Variants in MTMR12 observed in about 807,000 individuals in gnomAD.
The protein encoded by MTMR12 is myotubularin-related protein 12.
In MTMR12, 33 loss-of-function variants were observed where a neutral mutation model predicts 96.7. The observed-to-expected ratio is 0.34, with a 90% confidence interval of 0.26 to 0.46. MTMR12 has a LOEUF of 0.46. MTMR12 is among the 20% of genes least tolerant of loss of function. The pLI, the probability that MTMR12 is intolerant of heterozygous loss-of-function variation, is 1.00. For missense variants in MTMR12, 721 were observed against 896.1 expected (o/e 0.80, Z 2.49); for synonymous variants, 298 against 327.2 (o/e 0.91, Z 0.96).
At chr5:32,287,370 A>T (rs1050074316) in intron 1 of MTMR12, among the ~76,000 whole-genome samples, 2 of 152,190 alleles carry the variant, frequency 1.3e-5, no homozygotes, top group African/African-American at 4.8e-5. Context: ...CTAGCCTCGC[A>T]GCCTACATCT....
chr5:32,277,701 A>AAAAAAAAAAAAG (rs368469301), intron 1 of MTMR12, among the ~76,000 whole-genome samples: 30 of 151,852 alleles, frequency 2.0e-4, no homozygotes, highest in African/African-American at 7.3e-4. Flanking sequence ...TGTCTCAAAA[A>AAAAAAAAAAAAG]AAAAAGAAAA....
At chr5:32,289,096 G>GCACTCAACTGTCAAAGACAAGGTGTTC (rs1396287444) in intron 1 of MTMR12, among the ~76,000 whole-genome samples, 1 of 152,204 alleles carries the variant, frequency 6.6e-6, no homozygotes, top group Non-Finnish European at 1.5e-5. Context: ...CCAAGTGGCG[G>GCACTCAACTGTCAAAGACAAGGTGTTC]CACTCAACTG....
intron 1 of MTMR12, among the ~76,000 whole-genome samples, chr5:32,281,262 A>G (rs1390759946): frequency 6.7e-6 from 1 of 150,254 alleles, no homozygotes; most frequent in African/African-American, 2.5e-5. Flanking sequence ...AAAAAAAAAA[A>G]AACAAAAAAA....
chr5:32,239,787 G>C (rs1047075928), intron 12 of MTMR12, among the ~76,000 whole-genome samples: 4 of 152,034 alleles, frequency 2.6e-5, no homozygotes, highest in African/African-American at 9.7e-5. Flanking sequence ...CTGTTTGAGG[G>C]GCACAGAGGT....
chr5:32,266,383 G>A (rs184121753), intron 6 of MTMR12, among the ~76,000 whole-genome samples: 12 of 152,258 alleles, frequency 7.9e-5, no homozygotes, highest in Non-Finnish European at 1.6e-4. Context: ...AAAGCCTTGT[G>A]TGCTTTTTAA....
chr5:32,298,880 G>A (rs1174716313), intron 1 of MTMR12, among the ~76,000 whole-genome samples: 1 of 150,888 alleles, frequency 6.6e-6, no homozygotes, highest in Non-Finnish European at 1.5e-5. Flanking sequence ...ACGAACCCGG[G>A]AGGCGGAGCT....
chr5:32,269,143 C>T (rs1749728102), intron 5 of MTMR12, among the ~76,000 whole-genome samples: 1 of 152,104 alleles, frequency 6.6e-6, no homozygotes, highest in East Asian at 1.9e-4. Context: ...TCTCCTGCCT[C>T]AGCCTCCAGA....
intron 12 of MTMR12, among the ~76,000 whole-genome samples, chr5:32,241,109 G>A (rs545273847): frequency 2.6e-5 from 4 of 152,274 alleles, no homozygotes; most frequent in Middle Eastern, 6.8e-3. Flanking sequence ...CTGGCCCTGA[G>A]TCCTTCCGTT....
At chr5:32,311,241 C>T (rs554851027) in intron 1 of MTMR12, among the ~76,000 whole-genome samples, 2 of 152,266 alleles carry the variant, frequency 1.3e-5, no homozygotes, top group South Asian at 4.1e-4. Flanking sequence ...TAAAAAGACA[C>T]AAAGAGAAAT....
intron 1 of MTMR12, among the ~76,000 whole-genome samples, chr5:32,285,493 T>G (rs1469566877): frequency 6.6e-6 from 1 of 152,082 alleles, no homozygotes; most frequent in East Asian, 1.9e-4. Context: ...CAACATTTAC[T>G]CCAATGTTAT....
chr5:32,252,169 G>A (rs1372198330), intron 8 of MTMR12, among the ~76,000 whole-genome samples: 2 of 152,122 alleles, frequency 1.3e-5, no homozygotes, highest in African/African-American at 2.4e-5. Context: ...ATAGCGGCAA[G>A]GACATGAATA....
intron 11 of MTMR12, among the ~76,000 whole-genome samples, chr5:32,242,749 A>G (rs1310850531): frequency 1.3e-5 from 2 of 151,726 alleles, no homozygotes; most frequent in Non-Finnish European, 2.9e-5. Flanking sequence ...CACCCCACAC[A>G]AAGAAGGGTT....
In MTMR12 at chr5:32,228,585, A is replaced by G. The variant is rs1195161612; in HGVS notation, c.*1193T>C. ...TATATATATCATATATATATCATAT[A>G]TATGTGATATATATATATATATCAT... On this transcript the variant is annotated 3_prime_UTR_variant, in exon 16 of 16. Coordinates refer to ENST00000382142, the MANE Select transcript of MTMR12 (RefSeq NM_001040446.3). 104 of 119,306 alleles carry G rather than the reference A, an allele frequency of 8.7e-4. No individual in the cohort carries two copies. Among genetic ancestry groups the G allele is most frequent in the African/African-American group, 3.2e-3 (95 of 29,508 alleles). The allele number at this position is 119,306 out of a possible 1,614,324, so 7.4% of individuals were successfully genotyped here. A position where few individuals can be genotyped will look rare whatever the true frequency, so the allele number is the denominator to read the frequency against.
intron 12 of MTMR12, among the ~76,000 whole-genome samples, chr5:32,240,470 C>T (rs542058696): frequency 2.0e-5 from 3 of 152,124 alleles, no homozygotes; most frequent in South Asian, 2.1e-4. Flanking sequence ...TTCATCCTGA[C>T]CCCTATAATC....
intron 1 of MTMR12, among the ~76,000 whole-genome samples, chr5:32,311,631 A>G (rs1163459293): frequency 6.6e-6 from 1 of 152,204 alleles, no homozygotes; most frequent in Non-Finnish European, 1.5e-5. Context: ...GCTTCTCATT[A>G]GGCATTTGGA....
chr5:32,230,225 A>C lies in MTMR12; in HGVS notation c.1797T>G (p.Ile599Met). 8.7e-6 allele frequency: 14 copies of C among 1,614,232 alleles called. No individual in the cohort carries two copies. The highest frequency in any genetic ancestry group is 1.2e-5 in the Non-Finnish European group (14 of 1,180,036). ...TGTCTTGGAGCTCATCAGAAGAATT[A>C]ATAAGTTTGCTAATTCTCTTGCCCA... is the stretch of plus-strand genomic sequence containing the variant. Reference protein sequence around the residue: ...NLLGKRISKLINSSDELQDNF... With the variant: ...NLLGKRISKLMNSSDELQDNF... Residue 599 changes from isoleucine (I) to methionine (M), a missense_variant, in exon 16 of 16, where the codon ATT (isoleucine) becomes ATG (methionine). Transcript: ENST00000382142.
Position 32,271,915 on chromosome 5 carries a change from T to A in MTMR12, c.286-10A>T. ...TCTTAAATTGAGTTTCCTAGAAGAT[T>A]CAAAAGGAAACAACTGTGACTCCTC... is the stretch of plus-strand genomic sequence containing the variant. On this transcript the variant is annotated splice_polypyrimidine_tract_variant and intron_variant, in intron 3 of 15. Transcript: ENST00000382142. 6.7e-7 allele frequency: 1 copy of A among 1,493,580 alleles called. No homozygotes were observed. The highest frequency in any genetic ancestry group is 9.2e-7 in the Non-Finnish European group (1 of 1,088,846). The allele number at this position is 1,493,580 out of a possible 1,614,324, so 92.5% of individuals were successfully genotyped here.
intron 1 of MTMR12, among the ~76,000 whole-genome samples, chr5:32,298,948 A>G (rs536854797): frequency 4.2e-4 from 59 of 140,060 alleles, no homozygotes; most frequent in African/African-American, 1.6e-3. Context: ...GCGAGACTCC[A>G]TCTCAAAAAA....
At chr5:32,261,579 T>C (rs549207533) in intron 7 of MTMR12, among the ~76,000 whole-genome samples, 131 of 152,324 alleles carry the variant, frequency 8.6e-4, no homozygotes, top group Non-Finnish European at 1.4e-3. Flanking sequence ...ATTTTCTCCA[T>C]AGCACTTATC....
Sources: gnomAD v4.1 joint callset for allele counts (sites outside exome capture counted in the v4.1 genomes callset) on GRCh38, gnomAD v4.1.1 for gene constraint, MANE v1.5 for transcripts, NCBI Gene and HGNC (gene_info 2026-07-23, HGNC 2026-07-21) for gene names.